Variants in PGCKA1 observed in about 807,000 individuals in gnomAD.
The protein encoded by PGCKA1 is PDCD10 and GCKIII kinases-associated protein 1.
the PGCKA1 span, among the ~76,000 whole-genome samples, chr4:37,570,146 AT>A: frequency 8.0e-3 from 634 of 78,896 alleles, 6 homozygotes; most frequent in African/African-American, 0.029. Context: ...CGCCTGGCTA[AT>A]TTTTTTTTTT....
the PGCKA1 span, among the ~76,000 whole-genome samples, chr4:37,466,395 T>C: frequency 0.4 from 61,395 of 152,104 alleles, 12,817 homozygotes; most frequent in East Asian, 0.56. Flanking sequence ...AATTCCAAAC[T>C]GTCTACGCTG....
At chr4:37,527,581 A>G in the PGCKA1 span, among the ~76,000 whole-genome samples, 1 of 151,788 alleles carries the variant, frequency 6.6e-6, no homozygotes. Flanking sequence ...GCACTTTGGG[A>G]GGCCGAGGTG....
At chr4:37,589,035 G>T in the PGCKA1 span, 1 of 624,292 alleles carries the variant, frequency 1.6e-6, no homozygotes. Flanking sequence ...TTAAGAGTTT[G>T]GAATTGTTAT....
At chr4:37,502,217 G>A in the PGCKA1 span, among the ~76,000 whole-genome samples, 7 of 152,182 alleles carry the variant, frequency 4.6e-5, no homozygotes, top group South Asian at 6.2e-4. Flanking sequence ...CATCAGGGAC[G>A]GCGGCAGTGC....
At chr4:37,544,671 A>AAC in the PGCKA1 span, among the ~76,000 whole-genome samples, 1 of 151,656 alleles carries the variant, frequency 6.6e-6, no homozygotes, top group Non-Finnish European at 1.5e-5. Context: ...ATTAAAAAAA[A>AAC]ACATAGCTTT....
At chr4:37,461,904 C>T in the PGCKA1 span, among the ~76,000 whole-genome samples, 2 of 151,946 alleles carry the variant, frequency 1.3e-5, no homozygotes, top group Admixed American at 1.3e-4. Context: ...GACTCGATGC[C>T]AGATCTTCTA....
chr4:37,502,283 G>A, the PGCKA1 span, among the ~76,000 whole-genome samples: 1 of 152,216 alleles, frequency 6.6e-6, no homozygotes, highest in Non-Finnish European at 1.5e-5. Flanking sequence ...GGTGCCGGGG[G>A]CCTGCCTCCA....
chr4:37,568,660 G>A, the PGCKA1 span, among the ~76,000 whole-genome samples: 104 of 152,330 alleles, frequency 6.8e-4, no homozygotes, highest in Non-Finnish European at 1.1e-3. Flanking sequence ...GCAGTATTGC[G>A]AAGAGCTAGT....
At chr4:37,587,316 G>T in the PGCKA1 span, among the ~76,000 whole-genome samples, 13 of 152,132 alleles carry the variant, frequency 8.5e-5, no homozygotes, top group Non-Finnish European at 1.9e-4. Context: ...TAATTTGGGG[G>T]CTGGGGTGGC....
At chr4:37,531,687 T>A in the PGCKA1 span, among the ~76,000 whole-genome samples, 1 of 151,136 alleles carries the variant, frequency 6.6e-6, no homozygotes, top group East Asian at 1.9e-4. Context: ...GGTCAGGAGA[T>A]CGAGACCATC....
At chr4:37,552,723 G>A in the PGCKA1 span, among the ~76,000 whole-genome samples, 1 of 152,216 alleles carries the variant, frequency 6.6e-6, no homozygotes, top group Admixed American at 6.5e-5. Context: ...TAAACTCTTA[G>A]CAAGTCTTTC....
chr4:37,585,903 T>G, the PGCKA1 span, among the ~76,000 whole-genome samples: 1 of 151,924 alleles, frequency 6.6e-6, no homozygotes, highest in Non-Finnish European at 1.5e-5. Context: ...GGTGTCACAG[T>G]TGATAGAAAT....
the PGCKA1 span, among the ~76,000 whole-genome samples, chr4:37,540,140 A>G: frequency 6.6e-6 from 1 of 152,256 alleles, no homozygotes; most frequent in East Asian, 1.9e-4. Context: ...GTTCAGCTGC[A>G]CTGATTATGG....
At chr4:37,493,590 A>G in the PGCKA1 span, among the ~76,000 whole-genome samples, 1 of 152,200 alleles carries the variant, frequency 6.6e-6, no homozygotes, top group African/African-American at 2.4e-5. Context: ...TGGCTTAGGA[A>G]CTTTTACAGA....
chr4:37,531,263 A>C, the PGCKA1 span, among the ~76,000 whole-genome samples: 13 of 152,188 alleles, frequency 8.5e-5, no homozygotes, highest in African/African-American at 2.4e-5. Context: ...CCTCAAAGTC[A>C]CATGACTATG....
At chr4:37,576,887 A>G in the PGCKA1 span, among the ~76,000 whole-genome samples, 7,104 of 152,184 alleles carry the variant, frequency 0.047, 186 homozygotes, top group Non-Finnish European at 0.065. Flanking sequence ...ATTGATTTGC[A>G]TATGTTGAAC....
the PGCKA1 span, among the ~76,000 whole-genome samples, chr4:37,488,367 G>C: frequency 6.6e-6 from 1 of 152,248 alleles, no homozygotes. Flanking sequence ...TCACATGATA[G>C]CTGGTGGCCC....
the PGCKA1 span, among the ~76,000 whole-genome samples, chr4:37,560,378 C>T: frequency 7.1e-6 from 1 of 141,506 alleles, no homozygotes. Flanking sequence ...AGACCCAAGC[C>T]CTGTTGCCTT....
the PGCKA1 span, among the ~76,000 whole-genome samples, chr4:37,500,588 T>C: frequency 6.6e-6 from 1 of 152,240 alleles, no homozygotes; most frequent in Non-Finnish European, 1.5e-5. Context: ...GAGGAATGTA[T>C]ATTCTGTTGT....
Sources: gnomAD v4.1 joint callset for allele counts (sites outside exome capture counted in the v4.1 genomes callset) on GRCh38, gnomAD v4.1.1 for gene constraint, MANE v1.5 for transcripts, NCBI Gene and HGNC (gene_info 2026-07-23, HGNC 2026-07-21) for gene names.